The following COL8A1 variants were observed in gnomAD, a reference collection of about 807,000 sequenced individuals.
COL8A1 encodes the protein collagen type VIII alpha 1 chain.
In COL8A1, 21 loss-of-function variants were observed where a neutral mutation model predicts 42.7. The ratio of observed to expected loss-of-function variants is 0.49; its 90% CI spans 0.35 to 0.71. The LOEUF (loss-of-function observed/expected upper bound fraction) is 0.71, where lower values mean the gene tolerates loss of function less well. COL8A1 is among the 30% of genes least tolerant of loss of function. The probability of loss-of-function intolerance (pLI) is 0.01; values close to 1 mark genes in which losing one functional copy is unlikely to be tolerated. For missense variants in COL8A1, 788 were observed against 962.4 expected (o/e 0.82, Z 2.40); for synonymous variants, 367 against 369.1 (o/e 0.99, Z 0.06).
intron 2 of COL8A1, among the ~76,000 whole-genome samples, chr3:99,774,194 C>G (rs1311917799): frequency 6.6e-6 from 1 of 150,456 alleles, no homozygotes; most frequent in African/African-American, 2.5e-5. Context: ...AGTTATGATG[C>G]TATTTGATTG....
chr3:99,669,333 G>T (rs923042687), intron 1 of COL8A1, among the ~76,000 whole-genome samples: 1 of 151,804 alleles, frequency 6.6e-6, no homozygotes. Context: ...TGTCATTTGA[G>T]TTGAATTTTA....
chr3:99,702,390 T>TC (rs1355618566), intron 1 of COL8A1, among the ~76,000 whole-genome samples: 1 of 152,234 alleles, frequency 6.6e-6, no homozygotes, highest in Non-Finnish European at 1.5e-5. Context: ...ACCATTATTG[T>TC]CATGCAATAA....
chr3:99,639,788 T>C (rs1025285564), intron 1 of COL8A1, among the ~76,000 whole-genome samples: 1 of 152,208 alleles, frequency 6.6e-6, no homozygotes, highest in African/African-American at 2.4e-5. Flanking sequence ...ATGTTTCCTC[T>C]GGGGAATTGC....
At chr3:99,644,353 T>A in intron 1 of COL8A1, among the ~76,000 whole-genome samples, 1 of 152,292 alleles carries the variant, frequency 6.6e-6, no homozygotes, top group African/African-American at 2.4e-5. Context: ...CCCAGGATAA[T>A]AACTCCATGG....
chr3:99,674,977 C>G (rs1419848100), intron 1 of COL8A1, among the ~76,000 whole-genome samples: 2 of 152,038 alleles, frequency 1.3e-5, no homozygotes, highest in Non-Finnish European at 1.5e-5. Flanking sequence ...TCGGGGAATA[C>G]TAGGGGATGA....
At position 99,795,572 on chromosome 3, in the gene COL8A1, C is replaced by G; in HGVS notation, c.1671C>G (p.Gly557=). 1 of 1,608,834 alleles carries G rather than the reference C, an allele frequency of 6.2e-7. No homozygotes were observed. The highest frequency in any genetic ancestry group is 8.5e-7 in the Non-Finnish European group (1 of 1,177,078). The change falls in exon 4 of 4, where the codon GGC becomes GGG. Residue 557 remains glycine, a synonymous_variant. Coordinates refer to ENST00000652472, the MANE Select transcript of COL8A1 (RefSeq NM_020351.4). The stretch of plus-strand genomic sequence containing the variant: ...CCCTTGGTCCTCAAGGCCAGCCTGG[C>G]CTTCCAGGACCCCCAGGCCCTCCAG... The part of the protein sequence containing the change: ...PGALGPQGQP[G]LPGPPGPPGP...
Position 99,749,484 on chromosome 3 carries a change from G to A in COL8A1, c.-4+4463G>A, listed in dbSNP as rs115496375. On this transcript the variant is annotated intron_variant, in intron 2 of 3. Coordinates refer to ENST00000652472, the MANE Select transcript of COL8A1 (RefSeq NM_020351.4). ...TGGATCAGGAACAGTTCTAGACACTGAGGGAATATTGAGCAGTAAGACCAG... is the reference window on the plus strand; with the variant it reads ...TGGATCAGGAACAGTTCTAGACACTAAGGGAATATTGAGCAGTAAGACCAG... Among the ~76,000 whole-genome samples the A allele has an allele frequency of 6.3e-3, 963 of 152,310 alleles. 12 individuals carry two copies. The highest frequency in any genetic ancestry group is 0.022 in the African/African-American group (923 of 41,570).
intron 1 of COL8A1, among the ~76,000 whole-genome samples, chr3:99,667,089 C>A (rs1938388826): frequency 6.6e-6 from 1 of 152,252 alleles, no homozygotes; most frequent in Non-Finnish European, 1.5e-5. Flanking sequence ...ATAACTTGCA[C>A]GGCATGTGGT....
intron 2 of COL8A1, among the ~76,000 whole-genome samples, chr3:99,776,990 A>G (rs182217361): frequency 3.2e-4 from 49 of 152,316 alleles, no homozygotes; most frequent in East Asian, 5.8e-4. Flanking sequence ...GGGCACTTTC[A>G]TCACCATCTT....
chr3:99,750,772 G>C lies in COL8A1; in HGVS notation c.-4+5751G>C, dbSNP rs115533258. On this transcript the variant is annotated intron_variant, in intron 2 of 3. Coordinates refer to ENST00000652472, the MANE Select transcript of COL8A1 (RefSeq NM_020351.4). ...ATTTTCTTGAGAAAGCATTTCACCT[G>C]CAGCTATGAACATGAGTGTAAAGAT... Among the ~76,000 whole-genome samples the C allele has an allele frequency of 4.1e-3, 630 of 152,310 alleles. 4 individuals carry two copies. The highest frequency in any genetic ancestry group is 0.014 in the African/African-American group (590 of 41,584).
rs76650546 is a variant in COL8A1 at position 99,681,995 on chromosome 3, G to T, written c.-129+43331G>T. Among the ~76,000 whole-genome samples the T allele has an allele frequency of 5.8e-3, 890 of 152,304 alleles. 24 individuals are homozygous for T. In the East Asian group the frequency reaches 0.062, roughly 11 times the overall value. ...CTTCACCATGAGGCTCTGCTGCCCT[G>T]AGTCTCACATAATTAGCTGCAGTTT... On this transcript the variant is annotated intron_variant, in intron 1 of 3. Transcript: ENST00000652472.
At position 99,796,032 on chromosome 3, in the gene COL8A1, G is replaced by A. The variant is rs759228709; in HGVS notation, c.2131G>A (p.Gly711Arg). The A allele has an allele frequency of 2.5e-5, 41 of 1,613,362 alleles. 1 individual carries two copies. The South Asian group carries it at 3.4e-4, about 13-fold the overall frequency. ...SGSAVLLLRP[G>R]DRVFLQMPSE... ...GAGTGCAGTGCTGCTGCTCAGGCCC[G>A]GAGACCGGGTGTTCCTCCAGATGCC... Residue 711 changes from glycine to arginine, a missense_variant, in exon 4 of 4, where the codon GGA becomes AGA. Physicochemically the swap from Gly to Arg is moderately radical, Grantham distance 125. Transcript: ENST00000652472.
rs763580607 is a variant in COL8A1 at position 99,794,598 on chromosome 3, C to T, written c.697C>T (p.Pro233Ser). 1 of 1,613,522 alleles carries T rather than the reference C, an allele frequency of 6.2e-7. No individual in the cohort carries two copies. The highest frequency in any genetic ancestry group is 8.5e-7 in the Non-Finnish European group (1 of 1,179,756). Reference sequence around the variant, plus strand: ...TCGAGGACCCAAAGGACTACCAGGACCTCAAGGCCTTCGGGGTCCTAAAGG... The same window carrying T: ...TCGAGGACCCAAAGGACTACCAGGATCTCAAGGCCTTCGGGGTCCTAAAGG... ...GDRGPKGLPG[P>S]QGLRGPKGDK... The change falls in exon 4 of 4, where the codon CCT (proline) becomes TCT (serine). Residue 233 changes from proline (P) to serine (S), a missense_variant. Pro to Ser is a moderately conservative substitution (Grantham distance 74). This residue lies in a region of COL8A1 where 421 missense variants were observed against 553.1 expected (regional missense o/e 0.76). Coordinates refer to ENST00000652472, the MANE Select transcript of COL8A1 (RefSeq NM_020351.4). This position sits in a 1 kb window ranked among gnomAD's most constrained non-coding sequence, Gnocchi z 4.3.
intron 1 of COL8A1, among the ~76,000 whole-genome samples, chr3:99,735,514 G>A (rs1187542266): frequency 6.7e-6 from 1 of 148,556 alleles, no homozygotes; most frequent in Non-Finnish European, 1.5e-5. Flanking sequence ...CTTGATCATG[G>A]TGGATAAGCT....
chr3:99,741,589 A>T (rs564124776), intron 1 of COL8A1, among the ~76,000 whole-genome samples: 1 of 152,170 alleles, frequency 6.6e-6, no homozygotes, highest in Admixed American at 6.5e-5. Context: ...AGAGCCCAAC[A>T]TGGTTTTACT....
chr3:99,706,175 C>CA (rs1939676179), intron 1 of COL8A1, among the ~76,000 whole-genome samples: 1 of 152,118 alleles, frequency 6.6e-6, no homozygotes, highest in African/African-American at 2.4e-5. Context: ...ATACACCCCA[C>CA]AAAAAAGACC....
rs149108406 is a variant in COL8A1 at position 99,761,517 on chromosome 3, T to A, written c.-4+16496T>A. Among the ~76,000 whole-genome samples, 630 of 152,298 alleles carry A rather than the reference T, an allele frequency of 4.1e-3. 4 individuals carry two copies. The highest frequency in any genetic ancestry group is 0.014 in the African/African-American group (590 of 41,570). ...TTCTTCTCTACTTGCTATTGCTAGT[T>A]TGCACCTCCTTGCACATGATACAGG... On this transcript the variant is annotated intron_variant, in intron 2 of 3. Transcript: ENST00000652472.
intron 1 of COL8A1, among the ~76,000 whole-genome samples, chr3:99,688,146 T>C (rs1474057344): frequency 6.6e-6 from 1 of 152,246 alleles, no homozygotes; most frequent in African/African-American, 2.4e-5. Flanking sequence ...TGGAAACACA[T>C]ATCTGCTCTC....
chr3:99,703,269 C>T (rs1939590535), intron 1 of COL8A1: 1 of 152,202 alleles, frequency 6.6e-6, no homozygotes, highest in African/African-American at 2.4e-5. Flanking sequence ...ATTTACGTCT[C>T]ACAAGCTATG....
Sources: gnomAD v4.1 joint callset for allele counts (sites outside exome capture counted in the v4.1 genomes callset) on GRCh38, gnomAD v4.1.1 for gene constraint, gnomAD v4.1.1 regional missense constraint, Gnocchi (gnomAD v3.1) non-coding constraint, MANE v1.5 for transcripts, NCBI Gene and HGNC (gene_info 2026-07-23, HGNC 2026-07-21) for gene names.